Variants in WNT2B observed in about 807,000 individuals in gnomAD.
The protein encoded by WNT2B is Wnt family member 2B.
In WNT2B, 19 loss-of-function variants were observed where a neutral mutation model predicts 40.5. The observed-to-expected ratio is 0.47, with a 90% CI of 0.33 to 0.69. The LOEUF is 0.69. WNT2B is among the 30% of genes least tolerant of loss of function. WNT2B has a pLI of 0.02. For missense variants in WNT2B, 467 were observed against 556.4 expected (o/e 0.84, Z 1.62); for synonymous variants, 220 against 211.9 (o/e 1.04, Z -0.33).
At chr1:112,477,332 G>C (rs1272466448) in intron 1 of WNT2B, among the ~76,000 whole-genome samples, 1 of 152,144 alleles carries the variant, frequency 6.6e-6, no homozygotes, top group Non-Finnish European at 1.5e-5. Flanking sequence ...GCTTCCCAGA[G>C]CTAGAACCAC....
Position 112,526,222 on chromosome 1 carries a change from C to T in WNT2B, c.*5713C>T, listed in dbSNP as rs1347498904. 1 of 1,448,812 alleles carries T rather than the reference C, an allele frequency of 6.9e-7. No homozygotes were observed. The highest frequency in any genetic ancestry group is 1.4e-5 in the African/African-American group (1 of 70,866). 89.7% of individuals were successfully genotyped at this position (1,448,812 alleles called of 1,614,324 possible). On this transcript the variant is annotated 3_prime_UTR_variant, in exon 5 of 5. Coordinates refer to ENST00000369684, the MANE Select transcript of WNT2B (RefSeq NM_024494.3). ...AAGGAACAGCCTAGGCCCTCCTGAA[C>T]CTTATCAACCAATGGCTCTTTTGCC...
At chr1:112,487,586 T>C (rs1651454672) in intron 1 of WNT2B, among the ~76,000 whole-genome samples, 1 of 152,142 alleles carries the variant, frequency 6.6e-6, no homozygotes, top group Non-Finnish European at 1.5e-5. Flanking sequence ...TATTGAATAC[T>C]AAAGTGAAAA....
chr1:112,519,460 A>T (rs1652738024), intron 4 of WNT2B, among the ~76,000 whole-genome samples: 1 of 152,118 alleles, frequency 6.6e-6, no homozygotes. Context: ...CTTGGAGTAG[A>T]TGCTCTCATG....
intron 1 of WNT2B, among the ~76,000 whole-genome samples, chr1:112,485,304 T>C (rs1052816065): frequency 1.3e-5 from 2 of 151,874 alleles, no homozygotes; most frequent in African/African-American, 4.8e-5. Flanking sequence ...CTACTAAAAA[T>C]ACAAAAATTA....
intron 1 of WNT2B, among the ~76,000 whole-genome samples, chr1:112,487,794 A>T (rs937324012): frequency 2.6e-5 from 4 of 151,906 alleles, no homozygotes; most frequent in Non-Finnish European, 1.5e-5. Flanking sequence ...TTAGCCAGGC[A>T]TGGTGGCACA....
At chr1:112,506,792 T>C (rs1652119562), upstream of WNT2B, among the ~76,000 whole-genome samples, 1 of 152,150 alleles carries the variant, frequency 6.6e-6, no homozygotes, top group Admixed American at 6.5e-5. Flanking sequence ...GGGAAGAAAA[T>C]AAGTTAGCCT....
At position 112,515,736 on chromosome 1, in the gene WNT2B, T is replaced by C. The variant is rs1053497933; in HGVS notation, c.404-404T>C. Among the ~76,000 whole-genome samples the C allele has an allele frequency of 1.3e-5, 2 of 152,068 alleles. No homozygotes were observed. Among genetic ancestry groups the C allele is most frequent in the African/African-American group, 4.8e-5 (2 of 41,412 alleles). On this transcript the variant is annotated intron_variant, in intron 2 of 4. Coordinates refer to ENST00000369684, the MANE Select transcript of WNT2B (RefSeq NM_024494.3). This position sits in a 1 kb window ranked among gnomAD's most constrained non-coding sequence, Gnocchi z 4.4. ...GCTGACCCCTGGGCTGGGGTCTCCA[T>C]TGTGGGGGAACTGTCCAGCAGAGTG...
At chr1:112,479,911 A>G (rs1461590025) in intron 1 of WNT2B, among the ~76,000 whole-genome samples, 2 of 151,888 alleles carry the variant, frequency 1.3e-5, no homozygotes, top group African/African-American at 4.8e-5. Flanking sequence ...ACGGGGTTTC[A>G]CGGTGTTAGC....
rs1002657288 is a variant in WNT2B at position 112,528,819 on chromosome 1, T to C, written c.*8310T>C. On this transcript the variant is annotated 3_prime_UTR_variant, in exon 5 of 5. Transcript: ENST00000369684. ...AGCAGATTTATCGTATCTGAGGCCA[T>C]AGTGAATAGAAGAGCTGCAAAAGAG... is the stretch of plus-strand genomic sequence containing the variant. 2 of 152,190 alleles carry C rather than the reference T, an allele frequency of 1.3e-5. No individual in the cohort carries two copies. The highest frequency in any genetic ancestry group is 2.9e-5 in the Non-Finnish European group (2 of 68,030). The allele number at this position is 152,190 out of a possible 1,614,324, so 9.4% of individuals were successfully genotyped here. A position where few individuals can be genotyped will look rare whatever the true frequency, so the allele number is the denominator to read the frequency against.
chr1:112,530,030 T>A lies in WNT2B; in HGVS notation c.*9521T>A, dbSNP rs1654115944. The A allele has an allele frequency of 6.6e-6, 1 of 152,188 alleles. No homozygotes were observed. Among genetic ancestry groups the A allele is most frequent in the Non-Finnish European group, 1.5e-5 (1 of 68,032 alleles). The allele number at this position is 152,188 out of a possible 1,614,324, so 9.4% of individuals were successfully genotyped here. On this transcript the variant is annotated 3_prime_UTR_variant, in exon 5 of 5. Coordinates refer to ENST00000369684, the MANE Select transcript of WNT2B (RefSeq NM_024494.3). ...ATGCCATCATGCAACTAACTTACTATCTGGAGATGTGTATTTTGTTAACCT... is the reference window on the plus strand; with the variant it reads ...ATGCCATCATGCAACTAACTTACTAACTGGAGATGTGTATTTTGTTAACCT...
intron 1 of WNT2B, among the ~76,000 whole-genome samples, chr1:112,499,818 T>A (rs1651890966): frequency 6.6e-6 from 1 of 152,164 alleles, no homozygotes; most frequent in Admixed American, 6.5e-5. Context: ...CATCCAACAA[T>A]CATATATTGT....
Position 112,520,280 on chromosome 1 carries a change from G to C in WNT2B, c.947G>C (p.Gly316Ala). 6.2e-7 allele frequency: 1 copy of C among 1,613,510 alleles called. No individual in the cohort carries two copies. Residue 316 changes from glycine to alanine, a missense_variant and splice_region_variant, in exon 5 of 5, where the codon GGT becomes GCT. By Grantham distance (60) the Gly-to-Ala change is moderately conservative. Around this residue, in one of 2 missense-constraint regions of WNT2B, gnomAD observed 330 missense variants for 438.6 expected, o/e 0.75. Transcript: ENST00000369684. Reference sequence around the variant, plus strand: ...TCACTCCCTCTCTTCCCCAACCCAGGTTCCCTAGGCACTGCAGGCCGTGTC... The same window carrying C: ...TCACTCCCTCTCTTCCCCAACCCAGCTTCCCTAGGCACTGCAGGCCGTGTC... ...PDYCVLDKAA[G>A]SLGTAGRVCS...
intron 1 of WNT2B, among the ~76,000 whole-genome samples, chr1:112,501,459 A>C (rs555522721): frequency 6.6e-6 from 1 of 152,280 alleles, no homozygotes; most frequent in African/African-American, 2.4e-5. Context: ...ACCCACATAC[A>C]TTATTTGGGA....
intron 1 of WNT2B, among the ~76,000 whole-genome samples, chr1:112,476,102 C>A (rs566083955): frequency 2.0e-5 from 3 of 152,278 alleles, no homozygotes; most frequent in South Asian, 4.1e-4. Context: ...AAATTATGTT[C>A]TCTGGCCACA....
In WNT2B at chr1:112,528,031, GCAAC is replaced by G. The variant is rs1479463206; in HGVS notation, c.*7523_*7526del. The stretch of plus-strand genomic sequence containing the variant: ...GCTTACTGGGTGACAATATACAGAA[GCAAC>G]AATTACAATAAAATGAAACAGTTTA... On this transcript the variant is annotated 3_prime_UTR_variant, in exon 5 of 5. Coordinates refer to ENST00000369684, the MANE Select transcript of WNT2B (RefSeq NM_024494.3). The G allele has an allele frequency of 6.6e-6, 1 of 152,106 alleles. No homozygotes were observed. Among genetic ancestry groups the G allele is most frequent in the Admixed American group, 6.6e-5 (1 of 15,262 alleles). 9.4% of individuals were successfully genotyped at this position (152,106 alleles called of 1,614,324 possible). A position where few individuals can be genotyped will look rare whatever the true frequency, so the allele number is the denominator to read the frequency against.
Position 112,520,518 on chromosome 1 carries a change from A to C in WNT2B, c.*9A>C. On this transcript the variant is annotated 3_prime_UTR_variant, in exon 5 of 5. Transcript: ENST00000369684. The stretch of plus-strand genomic sequence containing the variant: ...GGCTGGACCAAACCTGAACACACAG[A>C]TACCTCACTCATCCCTCCAATTCAA... The C allele has an allele frequency of 6.2e-7, 1 of 1,612,988 alleles. No individual in the cohort carries two copies. Among genetic ancestry groups the C allele is most frequent in the Non-Finnish European group, 8.5e-7 (1 of 1,179,368 alleles).
chr1:112,511,292 A>G (rs1652340797), intron 1 of WNT2B, among the ~76,000 whole-genome samples: 1 of 152,140 alleles, frequency 6.6e-6, no homozygotes, highest in South Asian at 2.1e-4. Flanking sequence ...AGCCCCTGTG[A>G]AAAGGAGGAA....
intron 1 of WNT2B, among the ~76,000 whole-genome samples, chr1:112,483,553 G>C (rs143399209): frequency 6.9e-6 from 1 of 145,778 alleles, no homozygotes; most frequent in South Asian, 2.1e-4. Context: ...ACATTTTCTT[G>C]ATATTGGCCT....
At chr1:112,506,155 C>T (rs548125901), upstream of WNT2B, among the ~76,000 whole-genome samples, 1 of 152,234 alleles carries the variant, frequency 6.6e-6, no homozygotes, top group East Asian at 1.9e-4. Flanking sequence ...CACAGGTGTG[C>T]ATGACCACAC....
Sources: allele counts gnomAD v4.1 joint callset (sites outside exome capture counted in the v4.1 genomes callset), GRCh38; gene constraint gnomAD v4.1.1; regional missense constraint gnomAD v4.1.1; non-coding constraint Gnocchi (gnomAD v3.1); transcripts MANE v1.5; gene names NCBI Gene and HGNC (gene_info 2026-07-23, HGNC 2026-07-21).